The following IQSEC3 variants were observed in gnomAD, a reference collection of about 807,000 sequenced individuals.
The protein encoded by IQSEC3 is IQ motif and SEC7 domain-containing protein 3.
Under a neutral mutation model 105.4 loss-of-function variants are expected in IQSEC3, and 50 were observed. The ratio of observed to expected loss-of-function variants is 0.47; its 90% CI spans 0.38 to 0.60. IQSEC3 has a LOEUF of 0.60. Ranked by LOEUF, IQSEC3 falls within the 20% of genes least tolerant of loss-of-function variation. The pLI is 0.00. For synonymous variants in IQSEC3, 708 were observed against 746.0 expected, an observed-to-expected ratio of 0.95 and a Z score of 0.83; for missense variants, 1,415 against 1,630.0, an observed-to-expected ratio of 0.87 and a Z score of 2.27.
intron 5 of IQSEC3, among the ~76,000 whole-genome samples, chr12:145,998 G>A (rs563724660): frequency 8.5e-5 from 13 of 152,294 alleles, no homozygotes; most frequent in African/African-American, 2.9e-4. Context: ...CCTCCACTGC[G>A]TCTGCTCCAT....
intron 4 of IQSEC3, 69 bp downstream of exon 4, chr12:139,423 T>G: frequency 1.5e-6 from 2 of 1,304,860 alleles, no homozygotes; most frequent in Non-Finnish European, 2.1e-6. Flanking sequence ...GGAGGGCACC[T>G]TCCCTCCACC....
Position 82,957 on chromosome 12 carries a change from A to T in IQSEC3, c.554+15521A>T, listed in dbSNP as rs140360355. On this transcript the variant is annotated intron_variant, in intron 1 of 13. Coordinates refer to ENST00000538872, the MANE Select transcript of IQSEC3 (RefSeq NM_001170738.2). ...CAGCAGGGGATAGGGGAAAGAAGAC[A>T]GCCACAAATGCTTGCAGTGAGGCTC... Among the ~76,000 whole-genome samples the T allele has an allele frequency of 3.0e-3, 455 of 152,356 alleles. 2 individuals are homozygous for T. The highest frequency in any genetic ancestry group is 0.01 in the African/African-American group (435 of 41,568).
chr12:121,551 C>G (rs1865218277), intron 2 of IQSEC3, among the ~76,000 whole-genome samples: 1 of 152,210 alleles, frequency 6.6e-6, no homozygotes, highest in Non-Finnish European at 1.5e-5. Flanking sequence ...GACCAAGGCC[C>G]TTTCGCTGTT....
chr12:155,138 C>T (rs539253838), intron 5 of IQSEC3, among the ~76,000 whole-genome samples: 42 of 152,380 alleles, frequency 2.8e-4, no homozygotes, highest in African/African-American at 9.4e-4. Context: ...TTGGCACTCA[C>T]GTAGGGCTGC....
intron 3 of IQSEC3, among the ~76,000 whole-genome samples, chr12:131,976 A>T (rs1186653673): frequency 6.6e-6 from 1 of 152,186 alleles, no homozygotes; most frequent in Non-Finnish European, 1.5e-5. Flanking sequence ...GATGCCGTGA[A>T]TAACTTATGC....
At chr12:144,553 C>T (rs577019494) in intron 5 of IQSEC3, 1 of 152,354 alleles carries the variant, frequency 6.6e-6, no homozygotes, top group African/African-American at 2.4e-5. Context: ...GAAGGGTGTG[C>T]TTCCCAACCG....
At position 116,738 on chromosome 12, in the gene IQSEC3, C is replaced by T. The variant is rs569328953; in HGVS notation, c.624-8895C>T. Among the ~76,000 whole-genome samples the T allele has an allele frequency of 3.3e-4, 50 of 151,826 alleles. No individual in the cohort carries two copies. In the East Asian group the frequency reaches 7.4e-3, roughly 22 times the overall value. On this transcript the variant is annotated intron_variant, in intron 2 of 13. Transcript: ENST00000538872. The stretch of plus-strand genomic sequence containing the variant: ...ACCCTGACTGCTCCTGAGGCTCCCA[C>T]GAGGCTCCCACGAGGCTCCTGAGGC...
chr12:117,135 G>A (rs1865074820), intron 2 of IQSEC3, among the ~76,000 whole-genome samples: 1 of 152,192 alleles, frequency 6.6e-6, no homozygotes, highest in Non-Finnish European at 1.5e-5. Flanking sequence ...CCGTGGTTCT[G>A]CAGCCTTATC....
chr12:98,388 G>C (rs184614597), intron 1 of IQSEC3, among the ~76,000 whole-genome samples: 1 of 152,114 alleles, frequency 6.6e-6, no homozygotes, highest in South Asian at 2.1e-4. Flanking sequence ...TCAGAGTCCT[G>C]GGGGGAAGGG....
At chr12:170,801 C>T (rs574437972) in intron 12 of IQSEC3, among the ~76,000 whole-genome samples, 28 of 152,372 alleles carry the variant, frequency 1.8e-4, no homozygotes, top group African/African-American at 6.0e-4. Flanking sequence ...GTGGCGCCCA[C>T]AACCCAGGCC....
chr12:130,737 A>T (rs1173813050), intron 3 of IQSEC3, among the ~76,000 whole-genome samples: 19 of 152,328 alleles, frequency 1.2e-4, no homozygotes, highest in African/African-American at 4.3e-4. Context: ...GGAGGAGGGC[A>T]CACAGAGCAG....
At chr12:122,770 C>T (rs560712213) in intron 2 of IQSEC3, among the ~76,000 whole-genome samples, 20 of 152,252 alleles carry the variant, frequency 1.3e-4, no homozygotes, top group Non-Finnish European at 2.1e-4. Context: ...CATCAAGGGA[C>T]GTCGGCACCC....
intron 1 of IQSEC3, among the ~76,000 whole-genome samples, chr12:83,501 CAG>C (rs1863816939): frequency 2.0e-5 from 3 of 151,908 alleles, no homozygotes; most frequent in South Asian, 2.1e-4. Context: ...TGAAATAAAA[CAG>C]AGCACGTGAA....
chr12:69,623 C>T (rs553942864), intron 1 of IQSEC3, among the ~76,000 whole-genome samples: 158 of 152,384 alleles, frequency 1.0e-3, no homozygotes, highest in African/African-American at 3.6e-3. Context: ...CACTCAGAAA[C>T]ATAGAGACCA....
intron 1 of IQSEC3, among the ~76,000 whole-genome samples, chr12:86,163 A>T (rs1863910954): frequency 6.6e-6 from 1 of 152,206 alleles, no homozygotes; most frequent in South Asian, 2.1e-4. Context: ...GAAGCTGCTG[A>T]AGGAGTTCAG....
chr12:141,298 C>T lies in IQSEC3; in HGVS notation c.2153+13C>T. On this transcript the variant is annotated intron_variant, in intron 5 of 13. Coordinates refer to ENST00000538872, the MANE Select transcript of IQSEC3 (RefSeq NM_001170738.2). ...GCGACGTGCTGGAGTGAGTACCCCA[C>T]ACTCCGGGCTTTCCCCACTCCTTCC... 5.0e-6 allele frequency: 8 copies of T among 1,606,324 alleles called. No homozygotes were observed. The highest frequency in any genetic ancestry group is 6.0e-6 in the Non-Finnish European group (7 of 1,173,746).
intron 1 of IQSEC3, among the ~76,000 whole-genome samples, chr12:86,822 G>A (rs1232615903): frequency 6.6e-6 from 1 of 152,042 alleles, no homozygotes; most frequent in Non-Finnish European, 1.5e-5. Flanking sequence ...CGAGGCTGAA[G>A]AAGATCAGAT....
intron 3 of IQSEC3, among the ~76,000 whole-genome samples, chr12:127,388 G>T (rs1017970884): frequency 6.6e-6 from 1 of 152,096 alleles, no homozygotes; most frequent in Non-Finnish European, 1.5e-5. Context: ...GCGTGGTGGC[G>T]CATGCCTGTA....
At chr12:156,987 G>A in intron 5 of IQSEC3, 38 bp from the exon 6 acceptor site, 2 of 1,536,894 alleles carry the variant, frequency 1.3e-6, no homozygotes, top group Non-Finnish European at 8.8e-7. Context: ...GGTGCTTAGG[G>A]TGCCACCTGA....
Sources: gnomAD v4.1 joint callset for allele counts (sites outside exome capture counted in the v4.1 genomes callset) on GRCh38, gnomAD v4.1.1 for gene constraint, MANE v1.5 for transcripts, NCBI Gene and HGNC (gene_info 2026-07-23, HGNC 2026-07-21) for gene names.